NUP214: variants seen among roughly 807,000 people sequenced by gnomAD.
The protein encoded by NUP214 is nuclear pore complex protein Nup214.
NUP214 carries 79 observed loss-of-function variants against 196.2 expected under a neutral mutation model. The observed-to-expected ratio is 0.40, with a 90% CI of 0.34 to 0.49. The LOEUF is 0.49. Ranked by LOEUF, NUP214 falls within the 20% of genes least tolerant of loss-of-function variation. NUP214 has a pLI of 0.58. For missense variants in NUP214, 2,468 were observed against 2,539.0 expected (o/e 0.97, Z 0.60); for synonymous variants, 1,020 against 990.5 (o/e 1.03, Z -0.56).
intron 8 of NUP214, 96 bp from the exon 9 acceptor site, chr9:131,135,844 G>A: frequency 1.2e-6 from 1 of 853,532 alleles, no homozygotes; most frequent in South Asian, 1.6e-5. Flanking sequence ...TCTTTGACAT[G>A]TGGAGGCAGC....
intron 19 of NUP214, 127 bp downstream of exon 19, chr9:131,163,300 G>A (rs1564191259): frequency 5.4e-6 from 5 of 925,176 alleles, no homozygotes; most frequent in Non-Finnish European, 7.9e-6. Flanking sequence ...ATCCTGGTCA[G>A]GGTCCCACCC....
Position 131,198,797 on chromosome 9 carries a change from G to A in NUP214, c.5303G>A (p.Ser1768Asn), listed in dbSNP as rs368532685. 20 of 1,614,202 alleles carry A rather than the reference G, an allele frequency of 1.2e-5. 1 individual carries two copies. The highest frequency in any genetic ancestry group is 3.3e-5 in the Admixed American group (2 of 60,024). Reference sequence around the variant, plus strand: ...GCTTCCTCCACTCCCACATCCACCAGTGGAAGTGTCTTTGGTGCCGCCTCA... The same window carrying A: ...GCTTCCTCCACTCCCACATCCACCAATGGAAGTGTCTTTGGTGCCGCCTCA... ...QPASSTPTST[S>N]GSVFGAASST... The change falls in exon 29 of 36, where the codon AGT (serine) becomes AAT (asparagine). Residue 1768 changes from serine (S) to asparagine (N), a missense_variant. Transcript: ENST00000359428.
At chr9:131,172,798 CAAT>C (rs1187393742) in intron 21 of NUP214, among the ~76,000 whole-genome samples, 1 of 152,008 alleles carries the variant, frequency 6.6e-6, no homozygotes, top group Non-Finnish European at 1.5e-5. Flanking sequence ...TACATTATGA[CAAT>C]AAAATCTTGC....
Position 131,146,609 on chromosome 9 carries a change from A to G in NUP214, c.1945+305A>G, listed in dbSNP as rs370618587. Reference sequence around the variant, plus strand: ...CCTGCCCTCCATGAAGAGCAGTTACATAACAGTTCTTTAAGAAGCACAGGC... The same window carrying G: ...CCTGCCCTCCATGAAGAGCAGTTACGTAACAGTTCTTTAAGAAGCACAGGC... On this transcript the variant is annotated intron_variant, in intron 13 of 35. Transcript: ENST00000359428. This position sits in a 1 kb window ranked among gnomAD's most constrained non-coding sequence, Gnocchi z 4.6. Among the ~76,000 whole-genome samples, 3 of 152,184 alleles carry G rather than the reference A, an allele frequency of 2.0e-5. No individual in the cohort carries two copies. The highest frequency in any genetic ancestry group is 4.1e-4 in the South Asian group (2 of 4,828).
intron 12 of NUP214, among the ~76,000 whole-genome samples, chr9:131,145,152 A>G (rs2133495064): frequency 6.6e-6 from 1 of 152,226 alleles, no homozygotes; most frequent in African/African-American, 2.4e-5. Flanking sequence ...CTGTCTACAC[A>G]GCCACAAAGT....
At chr9:131,164,891 A>T (rs1026713541) in intron 21 of NUP214, among the ~76,000 whole-genome samples, 2 of 152,218 alleles carry the variant, frequency 1.3e-5, no homozygotes, top group African/African-American at 4.8e-5. Context: ...ATCCATATCC[A>T]AATTTTTCTT....
chr9:131,218,295 A>AG (rs1834459477), intron 31 of NUP214, among the ~76,000 whole-genome samples: 1 of 152,198 alleles, frequency 6.6e-6, no homozygotes, highest in Admixed American at 6.5e-5. Flanking sequence ...TTTAACTCTG[A>AG]GGGCCACCAA....
chr9:131,201,665 C>G lies in NUP214; in HGVS notation c.5540C>G (p.Thr1847Ser). ...CQASGFGSSN[T>S]GSVFGQAAST... ...TTTACAGGTTTTGGGTCTAGTAATA[C>G]TGGTTCTGTGTTTGGTCAAGCAGCC... Residue 1847 changes from threonine (T) to serine (S), a missense_variant, in exon 30 of 36, where the codon ACT becomes AGT. Thr to Ser is a moderately conservative substitution (Grantham distance 58, BLOSUM62 1). This residue lies in a region of NUP214 where 7 missense variants were observed against 22.5 expected (regional missense o/e 0.31). Coordinates refer to ENST00000359428, the MANE Select transcript of NUP214 (RefSeq NM_005085.4). The G allele has an allele frequency of 6.2e-7, 1 of 1,613,816 alleles. No homozygotes were observed. The highest frequency in any genetic ancestry group is 8.5e-7 in the Non-Finnish European group (1 of 1,179,820).
chr9:131,138,365 C>G (rs1227727895), intron 9 of NUP214, among the ~76,000 whole-genome samples: 1 of 151,872 alleles, frequency 6.6e-6, no homozygotes, highest in African/African-American at 2.4e-5. Context: ...ACCACAGTTG[C>G]ACACCAACAC....
At chr9:131,144,851 G>A in intron 12 of NUP214, 97 bp downstream of exon 12, 1 of 996,394 alleles carries the variant, frequency 1.0e-6, no homozygotes, top group Admixed American at 3.0e-5. Flanking sequence ...AGTTAACTGA[G>A]TAGAATTTTT....
chr9:131,188,066 C>T (rs1179452457), intron 25 of NUP214, among the ~76,000 whole-genome samples: 1 of 152,168 alleles, frequency 6.6e-6, no homozygotes, highest in East Asian at 1.9e-4. Context: ...CTTGAGTGAC[C>T]AACGCAAACT....
At chr9:131,169,034 G>GTTTTTTTTTTTTTTTTTTTT (rs58054099) in intron 21 of NUP214, among the ~76,000 whole-genome samples, 2 of 124,134 alleles carry the variant, frequency 1.6e-5, no homozygotes, top group Non-Finnish European at 3.2e-5. Context: ...GTTTTTTTTT[G>GTTTTTTTTTTTTTTTTTTTT]TTTTTTTTTT....
chr9:131,228,096 C>T, intron 32 of NUP214, 64 bp from the exon 33 acceptor site: 2 of 1,429,300 alleles, frequency 1.4e-6, no homozygotes, highest in Non-Finnish European at 1.9e-6. Flanking sequence ...TGCTCAATGT[C>T]TTCTCTTCCT....
chr9:131,229,582 T>C (rs1834815296), intron 33 of NUP214: 1 of 408,882 alleles, frequency 2.4e-6, no homozygotes, highest in Admixed American at 3.0e-5. Context: ...CAAATCCCGA[T>C]TGGCTGGTTA....
In NUP214 at chr9:131,127,851, A is replaced by G. The variant is rs1271539841; in HGVS notation, c.241+132A>G. 8.3e-5 allele frequency: 56 copies of G among 671,722 alleles called. No individual in the cohort carries two copies. The Admixed American group carries it at 1.6e-3, about 20-fold the overall frequency. 41.6% of individuals were successfully genotyped at this position (671,722 alleles called of 1,614,324 possible). A position where few individuals can be genotyped will look rare whatever the true frequency, so the allele number is the denominator to read the frequency against. On this transcript the variant is annotated intron_variant, in intron 2 of 35. Transcript: ENST00000359428. ...AGTTTGAAGGTTGACTCCCAAGAAG[A>G]TTAATGGAAGCCTTTCTAGGTTTTC...
intron 24 of NUP214, among the ~76,000 whole-genome samples, chr9:131,179,400 C>T (rs1220144219): frequency 1.3e-5 from 2 of 152,230 alleles, no homozygotes; most frequent in Non-Finnish European, 1.5e-5. Flanking sequence ...CTGTGCCCTG[C>T]TTTGCCCTGC....
chr9:131,160,892 A>C (rs1278182157), intron 18 of NUP214, among the ~76,000 whole-genome samples: 1 of 152,142 alleles, frequency 6.6e-6, no homozygotes. Flanking sequence ...ACTTGTCTCC[A>C]TGGGCAGTGG....
chr9:131,158,215 A>G (rs1393934282), intron 17 of NUP214, among the ~76,000 whole-genome samples: 1 of 151,978 alleles, frequency 6.6e-6, no homozygotes, highest in Non-Finnish European at 1.5e-5. Flanking sequence ...AGTACCTGGG[A>G]TTATAGGCAT....
At chr9:131,196,464 T>C (rs1198371211) in intron 28 of NUP214, among the ~76,000 whole-genome samples, 5 of 152,192 alleles carry the variant, frequency 3.3e-5, no homozygotes, top group Non-Finnish European at 1.5e-5. Flanking sequence ...CCCGGCCTCG[T>C]TACTCTTGTA....
Sources: allele counts gnomAD v4.1 joint callset (sites outside exome capture counted in the v4.1 genomes callset), GRCh38; gene constraint gnomAD v4.1.1; regional missense constraint gnomAD v4.1.1; non-coding constraint Gnocchi (gnomAD v3.1); transcripts MANE v1.5; gene names NCBI Gene and HGNC (gene_info 2026-07-23, HGNC 2026-07-21).